Variants in ZNF679 observed in about 807,000 individuals in gnomAD.
ZNF679 encodes the protein zinc finger protein 679.
A neutral mutation model predicts 13.4 loss-of-function variants in ZNF679; 10 were observed. That is an observed-to-expected ratio of 0.75 (90% CI 0.46 to 1.27). The LOEUF (loss-of-function observed/expected upper bound fraction) is 1.27, where lower values mean the gene tolerates loss of function less well. ZNF679 is among the 50% of genes most tolerant of loss of function. The pLI is 0.00. For missense variants in ZNF679, 525 were observed against 477.8 expected (o/e 1.10, Z -0.92); for synonymous variants, 179 against 162.5 (o/e 1.10, Z -0.77).
chr7:64,241,003 C>T (rs1165856769), intron 1 of ZNF679, among the ~76,000 whole-genome samples: 1 of 152,166 alleles, frequency 6.6e-6, no homozygotes, highest in East Asian at 1.9e-4. Context: ...ACAATTCCAA[C>T]TCTACTGGCT....
In ZNF679 at chr7:64,266,507, G is replaced by A. The variant is rs1259994634; in HGVS notation, c.874G>A (p.Gly292Arg). The change falls in exon 5 of 5, where the codon GGA (glycine) becomes AGA (arginine). Residue 292 changes from glycine (G) to arginine (R), a missense_variant. Physicochemically the swap from Gly to Arg is moderately radical, Grantham distance 125. Transcript: ENST00000421025. The stretch of plus-strand genomic sequence containing the variant: ...TGCTAACCACAAGAGAATTCATACT[G>A]GAGAGAAACCATACACATGTGAAGA... Reference protein sequence around the residue: ...TLANHKRIHTGEKPYTCEECG... With the variant: ...TLANHKRIHTREKPYTCEECG... The A allele has an allele frequency of 6.2e-7, 1 of 1,613,224 alleles. No individual in the cohort carries two copies. Among genetic ancestry groups the A allele is most frequent in the East Asian group, 2.2e-5 (1 of 44,796 alleles).
At chr7:64,230,627 G>A (rs1336529466) in intron 1 of ZNF679, among the ~76,000 whole-genome samples, 4 of 151,822 alleles carry the variant, frequency 2.6e-5, no homozygotes, top group African/African-American at 4.8e-5. Context: ...TCACTGTCTC[G>A]TGTGTTTTAT....
intron 2 of ZNF679, among the ~76,000 whole-genome samples, chr7:64,259,843 G>A (rs771700133): frequency 1.3e-5 from 2 of 151,832 alleles, no homozygotes; most frequent in Non-Finnish European, 2.9e-5. Flanking sequence ...CAGGAGAATC[G>A]CTTGAACCCA....
intron 1 of ZNF679, among the ~76,000 whole-genome samples, chr7:64,246,788 A>G (rs956338397): frequency 1.3e-5 from 2 of 150,246 alleles, no homozygotes; most frequent in Admixed American, 1.3e-4. Context: ...GGAAGGAAGG[A>G]AGGGAGGGAT....
At chr7:64,237,607 C>G (rs763324134) in intron 1 of ZNF679, among the ~76,000 whole-genome samples, 3 of 152,166 alleles carry the variant, frequency 2.0e-5, no homozygotes, top group Non-Finnish European at 4.4e-5. Flanking sequence ...CACCAGCCAA[C>G]TATTCAACAC....
At chr7:64,257,679 T>G (rs1788021015) in intron 2 of ZNF679, among the ~76,000 whole-genome samples, 2 of 152,218 alleles carry the variant, frequency 1.3e-5, no homozygotes, top group Admixed American at 6.5e-5. Flanking sequence ...ATTGCTGCCT[T>G]CTGTTTTCTC....
Position 64,240,459 on chromosome 7 carries a change from G to A in ZNF679, c.-90-8569G>A, listed in dbSNP as rs575223668. Among the ~76,000 whole-genome samples the A allele has an allele frequency of 9.2e-5, 14 of 152,290 alleles. No homozygotes were observed. In the South Asian group the frequency reaches 2.9e-3, roughly 32 times the overall value. On this transcript the variant is annotated intron_variant, in intron 1 of 4. Transcript: ENST00000421025. ...GTCCTGGGTCTCCTACTTAAATAAA[G>A]GACATAGTGTATTATGATACTGAGG...
chr7:64,239,530 G>T (rs749843852), intron 1 of ZNF679, among the ~76,000 whole-genome samples: 16 of 152,142 alleles, frequency 1.1e-4, no homozygotes, highest in Non-Finnish European at 1.8e-4. Flanking sequence ...CTTGTGACTT[G>T]TACCTGGGCC....
At chr7:64,255,238 C>A (rs1787990193) in intron 2 of ZNF679, among the ~76,000 whole-genome samples, 1 of 152,050 alleles carries the variant, frequency 6.6e-6, no homozygotes, top group Non-Finnish European at 1.5e-5. Flanking sequence ...TGATAACAGA[C>A]CTCCTTCTTT....
At position 64,260,827 on chromosome 7, in the gene ZNF679, A is replaced by G; in HGVS notation, c.167-7A>G. The G allele has an allele frequency of 6.3e-7, 1 of 1,595,814 alleles. No individual in the cohort carries two copies. Among genetic ancestry groups the G allele is most frequent in the Non-Finnish European group, 8.5e-7 (1 of 1,175,108 alleles). On this transcript the variant is annotated splice_region_variant and splice_polypyrimidine_tract_variant and intron_variant, in intron 3 of 4. Coordinates refer to ENST00000421025, the MANE Select transcript of ZNF679 (RefSeq NM_153363.3). ...ATTTATGTTACTTTTTTTTCTTAAT[A>G]AAACAGGTATTGCTGTCTCTAAGCC...
At chr7:64,240,016 A>G (rs1277324666) in intron 1 of ZNF679, among the ~76,000 whole-genome samples, 1 of 152,122 alleles carries the variant, frequency 6.6e-6, no homozygotes, top group Non-Finnish European at 1.5e-5. Flanking sequence ...CTAACTGGAC[A>G]CTTTCCACAA....
In ZNF679 at chr7:64,250,265, G is replaced by GTTTTTTTTTTTTTTTTTTTTTTTTTTTT. The variant is rs11434714; in HGVS notation, c.39+1131_39+1132insTTTTTTTTTTTTTTTTTTTTTTTTTTTT. On this transcript the variant is annotated intron_variant, in intron 2 of 4. Coordinates refer to ENST00000421025, the MANE Select transcript of ZNF679 (RefSeq NM_153363.3). ...TCTACAGGAAACTGGCTTTCCCTTG[G>GTTTTTTTTTTTTTTTTTTTTTTTTTTTT]TTTTTTTTTTTTTTTTTTTTTTGAG... is the stretch of plus-strand genomic sequence containing the variant. Among the ~76,000 whole-genome samples, 9 of 91,320 alleles carry GTTTTTTTTTTTTTTTTTTTTTTTTTTTT rather than the reference G, an allele frequency of 9.9e-5. 1 individual carries two copies. The highest frequency in any genetic ancestry group is 4.1e-4 in the South Asian group (1 of 2,424). The allele number at this position is 91,320 out of a possible 152,430, so 59.9% of individuals were successfully genotyped here.
intron 1 of ZNF679, among the ~76,000 whole-genome samples, chr7:64,240,774 T>G (rs539120093): frequency 2.0e-5 from 3 of 152,164 alleles, no homozygotes; most frequent in African/African-American, 7.2e-5. Flanking sequence ...AAATTCACAA[T>G]CCGGGACATT....
At chr7:64,254,126 ATTAC>A (rs1450659105) in intron 2 of ZNF679, among the ~76,000 whole-genome samples, 1 of 143,660 alleles carries the variant, frequency 7.0e-6, no homozygotes, top group East Asian at 2.6e-4. Flanking sequence ...TTATTTTATT[ATTAC>A]TTTTTTTTTT....
At chr7:64,246,654 C>A (rs993707242) in intron 1 of ZNF679, among the ~76,000 whole-genome samples, 2 of 151,942 alleles carry the variant, frequency 1.3e-5, no homozygotes, top group Non-Finnish European at 2.9e-5. Flanking sequence ...ACCCGGGAGG[C>A]AGAGGTTGCA....
At chr7:64,237,159 G>A (rs1787738509) in intron 1 of ZNF679, among the ~76,000 whole-genome samples, 2 of 152,284 alleles carry the variant, frequency 1.3e-5, no homozygotes, top group South Asian at 4.1e-4. Context: ...CAGAATCCTA[G>A]GCTAGTGGAG....
chr7:64,263,534 G>A (rs139778059), intron 4 of ZNF679, among the ~76,000 whole-genome samples: 63 of 152,322 alleles, frequency 4.1e-4, no homozygotes, highest in African/African-American at 1.4e-3. Context: ...AGTGTTGGAT[G>A]TGGGGCCTAA....
intron 1 of ZNF679, among the ~76,000 whole-genome samples, chr7:64,241,399 G>C (rs1787796749): frequency 6.6e-6 from 1 of 151,950 alleles, no homozygotes; most frequent in Non-Finnish European, 1.5e-5. Flanking sequence ...TGCCACTTTG[G>C]GCAGAGTCAA....
At chr7:64,252,752 C>T (rs1444281818) in intron 2 of ZNF679, among the ~76,000 whole-genome samples, 4 of 152,216 alleles carry the variant, frequency 2.6e-5, no homozygotes, top group Non-Finnish European at 5.9e-5. Flanking sequence ...GAGTCTCACT[C>T]TGTTGCCCAG....
Sources: allele counts gnomAD v4.1 joint callset (sites outside exome capture counted in the v4.1 genomes callset), GRCh38; gene constraint gnomAD v4.1.1; transcripts MANE v1.5; gene names NCBI Gene and HGNC (gene_info 2026-07-23, HGNC 2026-07-21).